SIRPG: variants seen among roughly 807,000 people sequenced by gnomAD.
The protein encoded by SIRPG is signal regulatory protein gamma, also known as signal-regulatory protein gamma.
A neutral mutation model predicts 35.7 loss-of-function variants in SIRPG; 38 were observed. The ratio of observed to expected loss-of-function variants is 1.06; its 90% confidence interval spans 0.82 to 1.40. SIRPG has a LOEUF of 1.40. SIRPG is among the 40% of genes most tolerant of loss of function. The pLI is 0.00. For missense variants in SIRPG, 519 were observed against 483.0 expected (o/e 1.07, Z -0.70); for synonymous variants, 215 against 190.4 (o/e 1.13, Z -1.06).
At chr20:1,644,205 A>G (rs904387111) in intron 2 of SIRPG, among the ~76,000 whole-genome samples, 1 of 151,578 alleles carries the variant, frequency 6.6e-6, no homozygotes, top group African/African-American at 2.4e-5. Flanking sequence ...GACAGTGGCC[A>G]CCCCTCCCCC....
At chr20:1,674,208 T>C in the SIRPG span, among the ~76,000 whole-genome samples, 7 of 139,706 alleles carry the variant, frequency 5.0e-5, no homozygotes, top group Non-Finnish European at 1.1e-4. Flanking sequence ...AGCCTTGGGC[T>C]GGATTTAAAT....
chr20:1,674,486 A>T, the SIRPG span, among the ~76,000 whole-genome samples: 2 of 152,162 alleles, frequency 1.3e-5, no homozygotes, highest in Admixed American at 1.3e-4. Context: ...GGACACTGAG[A>T]CTCACTGTGG....
intron 2 of SIRPG, chr20:1,637,791 G>C (rs2091816179): frequency 6.6e-6 from 1 of 152,070 alleles, no homozygotes; most frequent in African/African-American, 2.4e-5. Flanking sequence ...AAAGATCTAG[G>C]CCACCCCAAC....
At chr20:1,676,965 C>T in the SIRPG span, 1 of 153,708 alleles carries the variant, frequency 6.5e-6, no homozygotes, top group African/African-American at 2.4e-5. Context: ...CAAAGACTTT[C>T]ATTGATCGAG....
At chr20:1,638,821 C>G (rs2091826274) in intron 2 of SIRPG, among the ~76,000 whole-genome samples, 1 of 147,570 alleles carries the variant, frequency 6.8e-6, no homozygotes, top group South Asian at 2.3e-4. Context: ...CTCCCTGCGT[C>G]CATGTGTTCA....
chr20:1,653,059 G>A (rs1216802703), intron 1 of SIRPG, among the ~76,000 whole-genome samples: 1 of 152,162 alleles, frequency 6.6e-6, no homozygotes, highest in African/African-American at 2.4e-5. Context: ...AAATCAGTTT[G>A]CAAACATACA....
chr20:1,652,053 T>C (rs1169371044), intron 1 of SIRPG, among the ~76,000 whole-genome samples: 1 of 152,194 alleles, frequency 6.6e-6, no homozygotes, highest in Non-Finnish European at 1.5e-5. Context: ...ATACCTCTTC[T>C]CTCTAGAGAC....
At chr20:1,670,864 A>G in the SIRPG span, 4 of 270,670 alleles carry the variant, frequency 1.5e-5, no homozygotes, top group East Asian at 4.7e-4. Flanking sequence ...TTGGGCTAGG[A>G]GTGAGGATTC....
intron 1 of SIRPG, among the ~76,000 whole-genome samples, chr20:1,651,893 A>G (rs1435173110): frequency 1.3e-5 from 2 of 152,198 alleles, no homozygotes; most frequent in African/African-American, 4.8e-5. Context: ...CTCTTCAAAG[A>G]AGACTCATGT....
chr20:1,640,074 T>C (rs1193766279), intron 2 of SIRPG, among the ~76,000 whole-genome samples: 1 of 152,218 alleles, frequency 6.6e-6, no homozygotes, highest in African/African-American at 2.4e-5. Flanking sequence ...AATTTTGTTC[T>C]TTTTGCTTAG....
At chr20:1,630,664 G>T (rs993018427) in intron 4 of SIRPG, 13 of 238,030 alleles carry the variant, frequency 5.5e-5, no homozygotes, top group Non-Finnish European at 9.8e-5. Context: ...ATGGATTTTA[G>T]GGAGGGTCAC....
upstream of SIRPG, among the ~76,000 whole-genome samples, chr20:1,658,066 T>C (rs1274722816): frequency 2.6e-5 from 4 of 152,168 alleles, no homozygotes; most frequent in African/African-American, 9.7e-5. Flanking sequence ...GATCTGTTGT[T>C]AGGTATTGTT....
At chr20:1,647,735 C>G (rs2091908071) in intron 2 of SIRPG, 1 of 152,188 alleles carries the variant, frequency 6.6e-6, no homozygotes, top group Non-Finnish European at 1.5e-5. Context: ...AGTTCTATGT[C>G]CTGACGTGGA....
chr20:1,651,655 C>G (rs2091940869), intron 1 of SIRPG, among the ~76,000 whole-genome samples: 1 of 152,036 alleles, frequency 6.6e-6, no homozygotes, highest in Non-Finnish European at 1.5e-5. Flanking sequence ...TAGCAAATTC[C>G]TAGGAGATGC....
At position 1,649,164 on chromosome 20, in the gene SIRPG, G is replaced by A; in HGVS notation, c.318C>T (p.Ile106=). 1 of 1,614,100 alleles carries A rather than the reference G, an allele frequency of 6.2e-7. No homozygotes were observed. The highest frequency in any genetic ancestry group is 8.5e-7 in the Non-Finnish European group (1 of 1,180,034). Residue 106 remains isoleucine, a synonymous_variant, in exon 2 of 6, where the codon ATC becomes ATT. Transcript: ENST00000303415. The stretch of plus-strand genomic sequence containing the variant: ...CGACATCTGCTGGGGTGATGCTACT[G>A]ATGCGGATGGAAAAGTCCATGTTGT... ...KRNNMDFSIR[I]SSITPADVGT...
At chr20:1,665,323 C>T in the SIRPG span, 1 of 169,752 alleles carries the variant, frequency 5.9e-6, no homozygotes, top group Non-Finnish European at 1.3e-5. Context: ...GCAGAGACAT[C>T]AACCCCCAGC....
intron 1 of SIRPG, among the ~76,000 whole-genome samples, chr20:1,652,307 G>T (rs1259082981): frequency 1.3e-5 from 2 of 152,214 alleles, no homozygotes; most frequent in Non-Finnish European, 2.9e-5. Flanking sequence ...TCACAGGCCA[G>T]TCCCTGCTCA....
intron 4 of SIRPG, among the ~76,000 whole-genome samples, chr20:1,632,507 A>T (rs2091759461): frequency 1.3e-5 from 2 of 152,286 alleles, no homozygotes; most frequent in South Asian, 4.1e-4. Context: ...AACCGAAAGC[A>T]CCCAAAAATG....
the SIRPG span, among the ~76,000 whole-genome samples, chr20:1,682,914 G>A: frequency 1.2e-4 from 19 of 152,160 alleles, no homozygotes; most frequent in Non-Finnish European, 1.0e-4. Context: ...AAATGAATGT[G>A]GGATTACATA....
Sources: gnomAD v4.1 joint callset for allele counts (sites outside exome capture counted in the v4.1 genomes callset) on GRCh38, gnomAD v4.1.1 for gene constraint, MANE v1.5 for transcripts, NCBI Gene and HGNC (gene_info 2026-07-23, HGNC 2026-07-21) for gene names.